FAM210A: variants seen among roughly 807,000 people sequenced by gnomAD.
FAM210A encodes the protein mitochondrial inner membrane scaffold 1, also known as family with sequence similarity 210 member A.
A neutral mutation model predicts 25.3 loss-of-function variants in FAM210A; 13 were observed. The observed-to-expected ratio is 0.51, with a 90% confidence interval of 0.33 to 0.82. FAM210A has a LOEUF of 0.82. Ranked by LOEUF, FAM210A falls within the 40% of genes least tolerant of loss-of-function variation. The probability of loss-of-function intolerance (pLI) is 0.02; values close to 1 mark genes in which losing one functional copy is unlikely to be tolerated. For synonymous variants in FAM210A, 125 were observed against 118.7 expected, an observed-to-expected ratio of 1.05 and a Z score of -0.35; for missense variants, 319 against 323.2, an observed-to-expected ratio of 0.99 and a Z score of 0.10.
intron 2 of FAM210A, among the ~76,000 whole-genome samples, chr18:13,672,734 T>C (rs531376888): frequency 2.6e-5 from 4 of 152,288 alleles, no homozygotes; most frequent in South Asian, 4.2e-4. Context: ...ATGTGTAAAA[T>C]TGCACTGTAA....
intron 1 of FAM210A, among the ~76,000 whole-genome samples, chr18:13,693,929 AG>A (rs1568483665): frequency 6.6e-6 from 1 of 152,230 alleles, no homozygotes; most frequent in Admixed American, 6.5e-5. Context: ...TTAGGAAAAG[AG>A]GAAGTTAAAT....
chr18:13,704,826 G>T (rs1278473407), intron 1 of FAM210A, among the ~76,000 whole-genome samples: 1 of 152,058 alleles, frequency 6.6e-6, no homozygotes. Flanking sequence ...TGTTGTTATA[G>T]ACCATGGAAA....
intron 1 of FAM210A, among the ~76,000 whole-genome samples, chr18:13,697,960 A>G (rs1360545806): frequency 6.6e-6 from 1 of 152,226 alleles, no homozygotes; most frequent in Non-Finnish European, 1.5e-5. Context: ...AGCCAGCTTA[A>G]AAAGGTTATT....
At chr18:13,724,922 C>T (rs1167243089) in intron 1 of FAM210A, among the ~76,000 whole-genome samples, 1 of 152,034 alleles carries the variant, frequency 6.6e-6, no homozygotes, top group African/African-American at 2.4e-5. Context: ...TACAGGCACG[C>T]GCCACCACGC....
intron 3 of FAM210A, among the ~76,000 whole-genome samples, chr18:13,667,228 A>C (rs1341261806): frequency 3.9e-5 from 6 of 152,164 alleles, no homozygotes; most frequent in African/African-American, 1.2e-4. Flanking sequence ...AACCTATGCT[A>C]CCTTCTCATC....
intron 1 of FAM210A, among the ~76,000 whole-genome samples, chr18:13,718,526 CA>C (rs752693975): frequency 2.9e-4 from 41 of 142,124 alleles, no homozygotes; most frequent in East Asian, 1.2e-3. Flanking sequence ...GATTAAAGGC[CA>C]AAAAAAAAAG....
chr18:13,690,890 C>G (rs997654293), intron 1 of FAM210A, among the ~76,000 whole-genome samples: 3 of 152,202 alleles, frequency 2.0e-5, no homozygotes, highest in Non-Finnish European at 4.4e-5. Flanking sequence ...CAGGACAAAG[C>G]TGGACGGAGA....
At chr18:13,707,570 A>C (rs117303958) in intron 1 of FAM210A, among the ~76,000 whole-genome samples, 2,706 of 152,360 alleles carry the variant, frequency 0.018, 30 homozygotes, top group Middle Eastern at 0.061. Flanking sequence ...CAAGGACTAA[A>C]GTTTTGGTCA....
chr18:13,694,516 G>A (rs1356127287), intron 1 of FAM210A, among the ~76,000 whole-genome samples: 1 of 152,122 alleles, frequency 6.6e-6, no homozygotes, highest in Non-Finnish European at 1.5e-5. Flanking sequence ...TACCAAAACA[G>A]AGATATTGAC....
intron 1 of FAM210A, among the ~76,000 whole-genome samples, chr18:13,700,718 T>C (rs2043732442): frequency 6.6e-6 from 1 of 152,204 alleles, no homozygotes; most frequent in African/African-American, 2.4e-5. Flanking sequence ...AAGGACTCCA[T>C]ACTTCTATAT....
intron 2 of FAM210A, among the ~76,000 whole-genome samples, chr18:13,674,783 T>C (rs1356235262): frequency 1.9e-5 from 2 of 106,264 alleles, no homozygotes; most frequent in Admixed American, 1.9e-4. Flanking sequence ...AGTTTTCTGA[T>C]TATTAACATT....
At chr18:13,722,798 T>C (rs2043907343) in intron 1 of FAM210A, among the ~76,000 whole-genome samples, 1 of 152,014 alleles carries the variant, frequency 6.6e-6, no homozygotes, top group African/African-American at 2.4e-5. Flanking sequence ...GTCACTTATG[T>C]GGAGCTTCAA....
At chr18:13,684,053 G>A (rs2043576397) in intron 1 of FAM210A, among the ~76,000 whole-genome samples, 3 of 152,134 alleles carry the variant, frequency 2.0e-5, no homozygotes, top group African/African-American at 7.2e-5. Context: ...GAGTTGATAA[G>A]GGAAACTGCA....
intron 2 of FAM210A, among the ~76,000 whole-genome samples, chr18:13,679,114 T>C (rs1320644092): frequency 6.6e-6 from 1 of 152,238 alleles, no homozygotes; most frequent in Non-Finnish European, 1.5e-5. Flanking sequence ...CATCACTCTG[T>C]CATTCTAAAT....
At chr18:13,713,984 G>T (rs1020087954) in intron 1 of FAM210A, among the ~76,000 whole-genome samples, 12 of 152,096 alleles carry the variant, frequency 7.9e-5, no homozygotes. Context: ...TCCTCCAGGG[G>T]TACGAACCAG....
chr18:13,687,983 T>G (rs1267302917), intron 1 of FAM210A: 1 of 152,050 alleles, frequency 6.6e-6, no homozygotes, highest in Non-Finnish European at 1.5e-5. Context: ...ATATACCCCA[T>G]CTCATTAACC....
intron 1 of FAM210A, among the ~76,000 whole-genome samples, chr18:13,707,779 C>T (rs574820490): frequency 6.6e-6 from 1 of 152,346 alleles, no homozygotes; most frequent in East Asian, 1.9e-4. Context: ...ATCCCAGTGG[C>T]CATACTTCAA....
At chr18:13,671,503 C>T (rs912161176) in intron 3 of FAM210A, among the ~76,000 whole-genome samples, 1 of 151,962 alleles carries the variant, frequency 6.6e-6, no homozygotes, top group Non-Finnish European at 1.5e-5. Context: ...AATGATCTAC[C>T]AATTTTTAAG....
Position 13,666,472 on chromosome 18 carries a change from A to G in FAM210A, c.*8T>C. The G allele has an allele frequency of 6.2e-6, 10 of 1,606,320 alleles. No individual in the cohort carries two copies. The highest frequency in any genetic ancestry group is 8.5e-6 in the Non-Finnish European group (10 of 1,173,592). ...GCAGGAATTTTCTATACTGCTATATAAGGCACCTTATTCCACTTTTTTCTT... is the reference window on the plus strand; with the variant it reads ...GCAGGAATTTTCTATACTGCTATATGAGGCACCTTATTCCACTTTTTTCTT... On this transcript the variant is annotated 3_prime_UTR_variant, in exon 4 of 4. Transcript: ENST00000651643.
Sources: allele counts gnomAD v4.1 joint callset (sites outside exome capture counted in the v4.1 genomes callset), GRCh38; gene constraint gnomAD v4.1.1; transcripts MANE v1.5; gene names NCBI Gene and HGNC (gene_info 2026-07-23, HGNC 2026-07-21).